Variants in NTRK3 observed in about 807,000 individuals in gnomAD.
NTRK3 encodes the protein NT-3 growth factor receptor.
In NTRK3, 24 loss-of-function variants were observed where a neutral mutation model predicts 91.7. The ratio of observed to expected loss-of-function variants is 0.26; its 90% CI spans 0.19 to 0.37. NTRK3 has a LOEUF of 0.37. Among genes scored for constraint, NTRK3 ranks in the 10% least tolerant of loss-of-function variants. The pLI is 1.00. For synonymous variants in NTRK3, 483 were observed against 404.0 expected, an observed-to-expected ratio of 1.20 and a Z score of -2.34; for missense variants, 880 against 1,068.9, an observed-to-expected ratio of 0.82 and a Z score of 2.46.
chr15:88,224,857 G>A (rs1470822886), intron 3 of NTRK3, among the ~76,000 whole-genome samples: 2 of 152,222 alleles, frequency 1.3e-5, no homozygotes, highest in Non-Finnish European at 2.9e-5. Context: ...TGGCAGAGGT[G>A]TGCACAAGGC....
At chr15:88,196,520 T>C (rs1597889649) in intron 3 of NTRK3, among the ~76,000 whole-genome samples, 1 of 152,194 alleles carries the variant, frequency 6.6e-6, no homozygotes, top group South Asian at 2.1e-4. Context: ...TACTTACATC[T>C]GGGGCCTGAA....
intron 6 of NTRK3, among the ~76,000 whole-genome samples, chr15:88,141,467 G>T (rs2042382681): frequency 1.3e-5 from 2 of 152,232 alleles, no homozygotes; most frequent in South Asian, 4.1e-4. Context: ...GCAAGGAGAG[G>T]CCTGGCCACC....
chr15:87,981,434 T>C, intron 14 of NTRK3: 3 of 1,610,146 alleles, frequency 1.9e-6, no homozygotes, highest in Non-Finnish European at 2.5e-6. Flanking sequence ...TGGGAAAGTA[T>C]TTTTCTTAAG....
chr15:87,946,920 C>T (rs993892291), intron 14 of NTRK3, among the ~76,000 whole-genome samples: 5 of 126,678 alleles, frequency 3.9e-5, no homozygotes, highest in Non-Finnish European at 6.3e-5. Flanking sequence ...CTCGCTCTAT[C>T]GCCCAGGCTG....
intron 11 of NTRK3, among the ~76,000 whole-genome samples, chr15:88,128,090 G>A (rs2053475843): frequency 6.6e-6 from 1 of 152,132 alleles, no homozygotes; most frequent in African/African-American, 2.4e-5. Flanking sequence ...AGCAGTTGCT[G>A]CTATTATTCC....
chr15:88,135,460 T>G, intron 9 of NTRK3, 63 bp from the exon 10 acceptor site: 1 of 1,559,272 alleles, frequency 6.4e-7, no homozygotes, highest in Non-Finnish European at 8.7e-7. Flanking sequence ...GCAGTAGCCT[T>G]CCAGCAACTA....
chr15:88,220,798 C>T (rs2050170835), intron 3 of NTRK3, among the ~76,000 whole-genome samples: 1 of 152,178 alleles, frequency 6.6e-6, no homozygotes, highest in African/African-American at 2.4e-5. Context: ...TCCCCATTCC[C>T]ACCCCACAGT....
rs921124448 is a variant in NTRK3, at chr15:88,021,205, A to C, written c.1585+11652T>G. Among the ~76,000 whole-genome samples, 6 of 152,170 alleles carry C rather than the reference A, an allele frequency of 3.9e-5. No individual in the cohort carries two copies. In the South Asian group the frequency reaches 1.2e-3, roughly 32 times the overall value. Reference sequence around the variant, plus strand: ...AATCCTGAAGAATGTTACCACCCCAATTCGGGCTATTCCCACGGAATGCAG... The same window carrying C: ...AATCCTGAAGAATGTTACCACCCCACTTCGGGCTATTCCCACGGAATGCAG... On this transcript the variant is annotated intron_variant, in intron 14 of 18. Coordinates refer to ENST00000394480, the Ensembl canonical transcript of NTRK3.
chr15:88,116,496 A>G (rs1450616573), intron 13 of NTRK3, among the ~76,000 whole-genome samples: 1 of 152,208 alleles, frequency 6.6e-6, no homozygotes, highest in African/African-American at 2.4e-5. Flanking sequence ...ATCCCAGCCT[A>G]TAGACCTTTG....
Position 88,243,413 on chromosome 15 carries a change from C to A in NTRK3, c.248+12493G>T, listed in dbSNP as rs894569657. Among the ~76,000 whole-genome samples the A allele has an allele frequency of 2.6e-5, 4 of 152,012 alleles. No individual in the cohort carries two copies. Among genetic ancestry groups the A allele is most frequent in the Non-Finnish European group, 5.9e-5 (4 of 68,006 alleles). On this transcript the variant is annotated intron_variant, in intron 3 of 18. Transcript: ENST00000394480. The surrounding 1 kb of genome is among the most constrained non-coding windows in gnomAD (Gnocchi z 4.8). ...CTGCAAGGATGAGAGCCAGGGTCAC[C>A]CCAAACCAGCCTCAGAGCTACTCCT...
intron 13 of NTRK3, among the ~76,000 whole-genome samples, chr15:88,053,959 G>T (rs1229102008): frequency 6.6e-6 from 1 of 152,184 alleles, no homozygotes; most frequent in Non-Finnish European, 1.5e-5. Context: ...ACAGGAAGCT[G>T]ATAGAAAGGT....
chr15:87,982,671 G>A (rs1360620669), intron 14 of NTRK3, among the ~76,000 whole-genome samples: 2 of 152,202 alleles, frequency 1.3e-5, no homozygotes, highest in South Asian at 2.1e-4. Flanking sequence ...GCACCCATAC[G>A]ATTGGATGAG....
At chr15:88,121,978 A>C (rs76332363) in intron 13 of NTRK3, among the ~76,000 whole-genome samples, 1,670 of 152,312 alleles carry the variant, frequency 0.011, 43 homozygotes, top group African/African-American at 0.038. Context: ...GAGACAAAGC[A>C]TGTTCGGTTT....
intron 5 of NTRK3, among the ~76,000 whole-genome samples, chr15:88,175,916 A>C (rs2045947756): frequency 6.6e-6 from 1 of 152,160 alleles, no homozygotes. Flanking sequence ...ATTAGTGATG[A>C]GGGTGGGTTA....
chr15:88,161,899 C>G (rs962027045), intron 5 of NTRK3, among the ~76,000 whole-genome samples: 40 of 152,232 alleles, frequency 2.6e-4, no homozygotes, highest in African/African-American at 8.7e-4. Flanking sequence ...GATTTTTTAC[C>G]ACAAGCAATG....
In NTRK3 at chr15:88,202,893, G is replaced by A. The variant is rs139069646; in HGVS notation, c.249-18594C>T. 6.3e-4 allele frequency among the ~76,000 whole-genome samples: 96 copies of A among 152,338 alleles called. 1 individual carries two copies. The highest frequency in any genetic ancestry group is 2.2e-3 in the African/African-American group (92 of 41,584). ...CTAGGAAGTAAAATGCCACTGGCCA[G>A]CAGGAGAATCTGGTTGGGCAGGGGC... On this transcript the variant is annotated intron_variant, in intron 3 of 18. Transcript: ENST00000394480.
chr15:87,968,855 G>A (rs149811987), intron 14 of NTRK3, among the ~76,000 whole-genome samples: 169 of 152,276 alleles, frequency 1.1e-3, no homozygotes, highest in Non-Finnish European at 2.0e-3. Flanking sequence ...CCATGCTATA[G>A]AATCAGGATA....
chr15:88,159,423 C>G (rs1347333220), intron 5 of NTRK3, among the ~76,000 whole-genome samples: 1 of 152,086 alleles, frequency 6.6e-6, no homozygotes, highest in Non-Finnish European at 1.5e-5. Flanking sequence ...TTGGAAAAAC[C>G]AAATTACCAG....
At chr15:88,107,565 C>T (rs2050854739) in intron 13 of NTRK3, among the ~76,000 whole-genome samples, 1 of 152,102 alleles carries the variant, frequency 6.6e-6, no homozygotes, top group Non-Finnish European at 1.5e-5. Flanking sequence ...CCATCCACAC[C>T]AGGACTCTGT....
Sources: gnomAD v4.1 joint callset for allele counts (sites outside exome capture counted in the v4.1 genomes callset) on GRCh38, gnomAD v4.1.1 for gene constraint, Gnocchi (gnomAD v3.1) non-coding constraint, MANE v1.5 for transcripts, NCBI Gene and HGNC (gene_info 2026-07-23, HGNC 2026-07-21) for gene names.